Variants in SSH2 observed in about 807,000 individuals in gnomAD.
SSH2 encodes the protein protein phosphatase Slingshot homolog 2.
In SSH2, 37 loss-of-function variants were observed where a neutral mutation model predicts 135.2. That is an observed-to-expected ratio of 0.27 (90% CI 0.21 to 0.36). SSH2 has a LOEUF of 0.36. SSH2 is among the 10% of genes least tolerant of loss of function. The pLI, the probability that SSH2 is intolerant of heterozygous loss-of-function variation, is 1.00. For missense variants in SSH2, 1,408 were observed against 1,765.3 expected, an observed-to-expected ratio of 0.80 and a Z score of 3.63; for synonymous variants, 628 against 646.2, an observed-to-expected ratio of 0.97 and a Z score of 0.43.
At chr17:29,867,086 T>A (rs2065866745) in intron 1 of SSH2, among the ~76,000 whole-genome samples, 2 of 152,078 alleles carry the variant, frequency 1.3e-5, no homozygotes, top group Admixed American at 1.3e-4. Context: ...GTGATCTTCC[T>A]GCTCCCTCCC....
intron 12 of SSH2, among the ~76,000 whole-genome samples, chr17:29,651,263 C>T (rs772058964): frequency 6.6e-6 from 1 of 152,140 alleles, no homozygotes; most frequent in Admixed American, 6.5e-5. Flanking sequence ...GAATGAATAA[C>T]GATTTCTTCC....
At chr17:29,785,906 A>G (rs1191976390) in intron 3 of SSH2, among the ~76,000 whole-genome samples, 2 of 141,680 alleles carry the variant, frequency 1.4e-5, no homozygotes, top group Non-Finnish European at 1.5e-5. Context: ...CTGGGTTCAC[A>G]CCATTCTCCT....
At position 29,930,156 on chromosome 17, in the gene SSH2, C is replaced by T; in HGVS notation, c.-156G>A. ...CGGGAACGGCCGCAGACTCCGCACC[C>T]ACCACCAGACTGTCGCCGACTGACG... is the stretch of plus-strand genomic sequence containing the variant. On this transcript the variant is annotated 5_prime_UTR_variant, in exon 1 of 16. Transcript: ENST00000540801. The T allele has an allele frequency of 3.0e-6, 2 of 657,712 alleles. No homozygotes were observed. Among genetic ancestry groups the T allele is most frequent in the Non-Finnish European group, 5.0e-6 (2 of 397,812 alleles). 40.7% of individuals were successfully genotyped at this position (657,712 alleles called of 1,614,324 possible).
intron 5 of SSH2, among the ~76,000 whole-genome samples, chr17:29,691,351 T>C (rs770841635): frequency 1.2e-4 from 18 of 152,202 alleles, no homozygotes; most frequent in Admixed American, 1.0e-3. Flanking sequence ...GGTTGATCTT[T>C]GGTAACGTGC....
rs774108057 is a variant in SSH2 at position 29,677,675 on chromosome 17, A to G, written c.546T>C (p.Asp182=). 6.2e-7 allele frequency: 1 copy of G among 1,613,782 alleles called. No homozygotes were observed. Among genetic ancestry groups the G allele is most frequent in the Non-Finnish European group, 8.5e-7 (1 of 1,179,670 alleles). Residue 182 remains aspartate (D), a splice_region_variant and synonymous_variant, in exon 7 of 16, where the codon GAT becomes GAC. Transcript: ENST00000540801. ...GAATAAAAAAGGAAATCTCTTACCC[A>G]TCACCATCCAAATGAATTAGCGTGT... ...WSDTLIHLDG[D]GGFSVSTDNR... is the part of the protein sequence containing the mutation.
intron 3 of SSH2, among the ~76,000 whole-genome samples, chr17:29,749,365 ATGGTACAGCC>A (rs1264556681): frequency 6.6e-6 from 1 of 152,204 alleles, no homozygotes; most frequent in African/African-American, 2.4e-5. Context: ...ACAAACCTAG[ATGGTACAGCC>A]TACTACACAC....
At chr17:29,887,834 A>G (rs773097515) in intron 1 of SSH2, among the ~76,000 whole-genome samples, 4 of 152,234 alleles carry the variant, frequency 2.6e-5, no homozygotes, top group Non-Finnish European at 4.4e-5. Context: ...GCTTATTTTA[A>G]TGTAATTTAA....
rs992204218 is a variant in SSH2, at chr17:29,793,764, C to A, written c.188+130G>T. ...AGGTGCAATCTGGTTTCTTGAGAGA[C>A]CAAGGAAGCACGTTGAAAAACAAGG... On this transcript the variant is annotated intron_variant, in intron 3 of 15. Coordinates refer to ENST00000540801, the MANE Select transcript of SSH2 (RefSeq NM_001282129.2). 5.4e-6 allele frequency: 4 copies of A among 735,680 alleles called. No homozygotes were observed. The African/African-American group carries it at 7.2e-5, about 13-fold the overall frequency. 45.6% of individuals were successfully genotyped at this position (735,680 alleles called of 1,614,324 possible).
intron 6 of SSH2, among the ~76,000 whole-genome samples, chr17:29,680,781 T>C (rs978010417): frequency 1.1e-4 from 16 of 152,034 alleles, no homozygotes; most frequent in African/African-American, 3.9e-4. Context: ...GAAGTGGGGA[T>C]AGTTTTACAG....
intron 1 of SSH2, among the ~76,000 whole-genome samples, chr17:29,924,937 A>G (rs1230808470): frequency 1.3e-5 from 2 of 152,206 alleles, no homozygotes; most frequent in African/African-American, 4.8e-5. Context: ...TGTGCCTCAT[A>G]TCTTGCACCT....
intron 1 of SSH2, among the ~76,000 whole-genome samples, chr17:29,917,486 G>T (rs548435048): frequency 3.3e-5 from 5 of 152,124 alleles, no homozygotes; most frequent in African/African-American, 1.2e-4. Context: ...GAAGGCAAAG[G>T]TAATGCCTTA....
intron 3 of SSH2, among the ~76,000 whole-genome samples, chr17:29,733,435 C>A (rs895758738): frequency 2.0e-5 from 3 of 152,136 alleles, no homozygotes; most frequent in Non-Finnish European, 4.4e-5. Context: ...TGTTTATCTT[C>A]AAAGAAACTG....
chr17:29,829,173 G>A (rs1348019664), intron 2 of SSH2, among the ~76,000 whole-genome samples: 1 of 152,128 alleles, frequency 6.6e-6, no homozygotes, highest in Non-Finnish European at 1.5e-5. Context: ...TTTATTAAAG[G>A]CTAACAATGT....
intron 14 of SSH2, among the ~76,000 whole-genome samples, chr17:29,641,158 G>A (rs2036144903): frequency 2.0e-5 from 3 of 152,058 alleles, no homozygotes; most frequent in South Asian, 2.1e-4. Context: ...TGATCTGCCC[G>A]CCTCGGCCTC....
At chr17:29,645,089 C>G (rs1199394387) in intron 14 of SSH2, 1 of 152,238 alleles carries the variant, frequency 6.6e-6, no homozygotes, top group African/African-American at 2.4e-5. Context: ...CACGTGTCTT[C>G]TGGGTAGCCT....
chr17:29,689,355 A>G lies in SSH2; in HGVS notation c.358-4671T>C, dbSNP rs967959907. ...AATAAATTTAAAATGGCAATTTTGT[A>G]CATAATATCCTAATTTTGAAAAGGA... On this transcript the variant is annotated intron_variant, in intron 5 of 15. Transcript: ENST00000540801. Among the ~76,000 whole-genome samples, 3 of 152,358 alleles carry G rather than the reference A, an allele frequency of 2.0e-5. No individual in the cohort carries two copies. In the South Asian group the frequency reaches 6.2e-4, roughly 32 times the overall value.
chr17:29,765,974 C>T (rs956141619), intron 3 of SSH2, among the ~76,000 whole-genome samples: 1 of 145,424 alleles, frequency 6.9e-6, no homozygotes, highest in Non-Finnish European at 1.5e-5. Context: ...GAGCCAAGAT[C>T]GCACTGCTGC....
intron 3 of SSH2, among the ~76,000 whole-genome samples, chr17:29,713,368 A>C (rs1420060578): frequency 6.6e-6 from 1 of 152,170 alleles, no homozygotes; most frequent in Non-Finnish European, 1.5e-5. Flanking sequence ...CCCCCAAAGA[A>C]AACGCCACTG....
chr17:29,888,052 T>A (rs2066274352), intron 1 of SSH2, among the ~76,000 whole-genome samples: 1 of 151,872 alleles, frequency 6.6e-6, no homozygotes, highest in African/African-American at 2.4e-5. Context: ...GCCTGGGCAA[T>A]GTAGTGAGAT....
Sources: allele counts gnomAD v4.1 joint callset (sites outside exome capture counted in the v4.1 genomes callset), GRCh38; gene constraint gnomAD v4.1.1; transcripts MANE v1.5; gene names NCBI Gene and HGNC (gene_info 2026-07-23, HGNC 2026-07-21).